ZNF516: variants seen among roughly 807,000 people sequenced by gnomAD.
The protein encoded by ZNF516 is zinc finger protein 516.
In ZNF516, 19 loss-of-function variants were observed where a neutral mutation model predicts 79.7. The observed-to-expected ratio is 0.24, with a 90% CI of 0.17 to 0.35. The LOEUF is 0.35. ZNF516 is among the 10% of genes least tolerant of loss of function. ZNF516 has a pLI of 1.00. For missense variants in ZNF516, 1,678 were observed against 1,679.5 expected, an observed-to-expected ratio of 1.00 and a Z score of 0.02; for synonymous variants, 877 against 739.5, an observed-to-expected ratio of 1.19 and a Z score of -3.02.
In ZNF516 at chr18:76,442,538, C is replaced by G. The variant is rs1162396784; in HGVS notation, c.517G>C (p.Ala173Pro). The G allele has an allele frequency of 6.3e-7, 1 of 1,599,746 alleles. No individual in the cohort carries two copies. The highest frequency in any genetic ancestry group is 2.2e-5 in the East Asian group (1 of 44,868). The change falls in exon 3 of 7, where the codon GCG becomes CCG. Residue 173 changes from alanine to proline, a missense_variant. Ala to Pro is a conservative substitution (Grantham distance 27). Around this residue, in one of 5 missense-constraint regions of ZNF516, gnomAD observed 279 missense variants for 254.1 expected, o/e 1.10. Coordinates refer to ENST00000443185, the MANE Select transcript of ZNF516 (RefSeq NM_014643.4). The part of the protein sequence containing the change: ...SACAPGEAKA[A>P]VQCSFCKSQF... ...CTCTTGCAGAAGGAGCACTGGACCG[C>G]TGCCTTGGCCTCCCCCGGGGCGCAT...
At chr18:76,466,137 A>T (rs1913449183) in intron 1 of ZNF516, among the ~76,000 whole-genome samples, 1 of 152,198 alleles carries the variant, frequency 6.6e-6, no homozygotes, top group South Asian at 2.1e-4. Context: ...ACTGGAAACC[A>T]TCACGTTCCC....
At chr18:76,382,981 A>G (rs1395451450) in intron 3 of ZNF516, among the ~76,000 whole-genome samples, 2 of 143,296 alleles carry the variant, frequency 1.4e-5, no homozygotes, top group African/African-American at 2.6e-5. Context: ...GGCTGCAGTG[A>G]GCCGAGATGG....
intron 1 of ZNF516, among the ~76,000 whole-genome samples, chr18:76,473,903 TGG>T (rs556393743): frequency 3.7e-5 from 2 of 54,170 alleles, no homozygotes; most frequent in African/African-American, 1.8e-4. Flanking sequence ...TGTTTTTGTG[TGG>T]GGGGGGGGGG....
At chr18:76,478,335 C>T (rs1027992674) in intron 1 of ZNF516, among the ~76,000 whole-genome samples, 2 of 152,160 alleles carry the variant, frequency 1.3e-5, no homozygotes, top group Non-Finnish European at 2.9e-5. Flanking sequence ...GGGGTTTTCA[C>T]TCCAGGTATT....
At chr18:76,415,593 G>A (rs993215122) in intron 3 of ZNF516, among the ~76,000 whole-genome samples, 3 of 152,276 alleles carry the variant, frequency 2.0e-5, no homozygotes, top group African/African-American at 4.8e-5. Flanking sequence ...GAAGTGCAAC[G>A]GCTGCAGTGG....
Position 76,459,509 on chromosome 18 carries a change from C to T in ZNF516, c.-158+3519G>A, listed in dbSNP as rs1274028165. 1.3e-5 allele frequency among the ~76,000 whole-genome samples: 2 copies of T among 152,228 alleles called. No homozygotes were observed. Among genetic ancestry groups the T allele is most frequent in the Admixed American group, 1.3e-4 (2 of 15,290 alleles). On this transcript the variant is annotated intron_variant, in intron 2 of 6. Coordinates refer to ENST00000443185, the MANE Select transcript of ZNF516 (RefSeq NM_014643.4). This position sits in a 1 kb window ranked among gnomAD's most constrained non-coding sequence, Gnocchi z 5.0. ...AGGATTTGTGCCATTCAGGACGTGG[C>T]GGCCGTGTGCACCCCATCGGGCACC...
intron 4 of ZNF516, among the ~76,000 whole-genome samples, chr18:76,376,299 C>T (rs1312545190): frequency 2.0e-5 from 3 of 152,086 alleles, no homozygotes; most frequent in Admixed American, 1.3e-4. Context: ...ACTCTATACC[C>T]GGGAAGCCAG....
chr18:76,485,931 T>TAATAATAATAATAATAAA (rs1386897054), intron 1 of ZNF516, among the ~76,000 whole-genome samples: 3 of 149,588 alleles, frequency 2.0e-5, no homozygotes, highest in Non-Finnish European at 4.5e-5. Flanking sequence ...ATAATAATAA[T>TAATAATAATAATAATAAA]AAACATACTT....
chr18:76,439,756 T>C (rs145201374), intron 3 of ZNF516, among the ~76,000 whole-genome samples: 1 of 150,664 alleles, frequency 6.6e-6, no homozygotes, highest in African/African-American at 2.4e-5. Context: ...CTCTTAAAAG[T>C]GAAAAGAAAA....
rs183317366 is a variant in ZNF516 at position 76,378,461 on chromosome 18, T to C, written c.3259+394A>G. 1.5e-3 allele frequency among the ~76,000 whole-genome samples: 234 copies of C among 152,360 alleles called. 1 individual carries two copies. The highest frequency in any genetic ancestry group is 3.1e-4 in the Non-Finnish European group (21 of 68,024). Reference sequence around the variant, plus strand: ...TCTTGTCTTTTGAGAGACAGGACAATGAACATCTACGGATTCTGTTTAAAA... The same window carrying C: ...TCTTGTCTTTTGAGAGACAGGACAACGAACATCTACGGATTCTGTTTAAAA... On this transcript the variant is annotated intron_variant, in intron 4 of 6. Coordinates refer to ENST00000443185, the MANE Select transcript of ZNF516 (RefSeq NM_014643.4).
At position 76,380,143 on chromosome 18, in the gene ZNF516, GCTA is replaced by G. The variant is rs1418291136; in HGVS notation, c.1968_1970del (p.Ser657del). 7.4e-6 allele frequency: 12 copies of G among 1,613,758 alleles called. No homozygotes were observed. Among genetic ancestry groups the G allele is most frequent in the Non-Finnish European group, 9.3e-6 (11 of 1,179,890 alleles). ...GCTCTTGCCTTCTAGAAGTCTCTCT[GCTA>G]CTGTTTTCAAGTATGGACACAGAAG... On this transcript the variant is annotated inframe_deletion, in exon 4 of 7. Coordinates refer to ENST00000443185, the MANE Select transcript of ZNF516 (RefSeq NM_014643.4).
chr18:76,448,985 G>C (rs1339285520), intron 2 of ZNF516, among the ~76,000 whole-genome samples: 1 of 152,156 alleles, frequency 6.6e-6, no homozygotes, highest in Non-Finnish European at 1.5e-5. Flanking sequence ...AACCACACTG[G>C]TGTGGCTTGA....
rs2094865880 is a variant in ZNF516 at position 76,441,387 on chromosome 18, G to A, written c.1668C>T (p.Cys556=). The A allele has an allele frequency of 3.1e-6, 5 of 1,609,852 alleles. No homozygotes were observed. In the South Asian group the frequency reaches 3.3e-5, roughly 11 times the overall value. The change falls in exon 3 of 7, where the codon TGC becomes TGT. Residue 556 remains cysteine (C), a synonymous_variant. Transcript: ENST00000443185. ...SDGDRAARAR[C]GSLSEGDSAS... ...CCGAGTCACCCTCACTGAGTGATCC[G>A]CAGCGGGCCCGCGCCGCCCTGTCCC...
In ZNF516 at chr18:76,438,690, A is replaced by G. The variant is rs11150954; in HGVS notation, c.1810+2555T>C. The stretch of plus-strand genomic sequence containing the variant: ...CTGACGAAACATGTTCCATAAAAAA[A>G]AAGGAGAGGAGTTTCTTTCACTTAA... On this transcript the variant is annotated intron_variant, in intron 3 of 6. Coordinates refer to ENST00000443185, the MANE Select transcript of ZNF516 (RefSeq NM_014643.4). 8.3e-3 allele frequency among the ~76,000 whole-genome samples: 1,257 copies of G among 152,358 alleles called. 5 individuals are homozygous for G. Among genetic ancestry groups the G allele is most frequent in the Non-Finnish European group, 0.012 (827 of 68,034 alleles).
At chr18:76,413,252 G>A (rs1192885005) in intron 3 of ZNF516, among the ~76,000 whole-genome samples, 1 of 152,088 alleles carries the variant, frequency 6.6e-6, no homozygotes, top group African/African-American at 2.4e-5. Context: ...AAAATGTAGT[G>A]GAAGAACTTT....
chr18:76,450,141 G>C lies in ZNF516; in HGVS notation c.-157-6930C>G, dbSNP rs537634968. 1.0e-4 allele frequency among the ~76,000 whole-genome samples: 13 copies of C among 127,238 alleles called. No homozygotes were observed. The South Asian group carries it at 3.6e-3, about 35-fold the overall frequency. 83.5% of individuals were successfully genotyped at this position (127,238 alleles called of 152,430 possible). A position where few individuals can be genotyped will look rare whatever the true frequency, so the allele number is the denominator to read the frequency against. On this transcript the variant is annotated intron_variant, in intron 2 of 6. Transcript: ENST00000443185. ...TACCAAAGAGAAAGAGAGAGACGGA[G>C]AGAAGGCAAATGTACCAGAATGTTA...
chr18:76,468,714 C>T (rs535833715), intron 1 of ZNF516, among the ~76,000 whole-genome samples: 1 of 152,260 alleles, frequency 6.6e-6, no homozygotes, highest in South Asian at 2.1e-4. Flanking sequence ...GCCAACGCGC[C>T]CGGCCGTGTT....
intron 3 of ZNF516, among the ~76,000 whole-genome samples, chr18:76,385,448 T>C (rs904551267): frequency 6.6e-6 from 1 of 152,224 alleles, no homozygotes; most frequent in Non-Finnish European, 1.5e-5. Flanking sequence ...TTACTCCCCT[T>C]TCACTTAAAA....
At chr18:76,473,539 C>T (rs1313364509) in intron 1 of ZNF516, among the ~76,000 whole-genome samples, 3 of 152,044 alleles carry the variant, frequency 2.0e-5, no homozygotes, top group Non-Finnish European at 2.9e-5. Context: ...CGGTGGCTCA[C>T]GCCTGTAATC....
Sources: allele counts gnomAD v4.1 joint callset (sites outside exome capture counted in the v4.1 genomes callset), GRCh38; gene constraint gnomAD v4.1.1; regional missense constraint gnomAD v4.1.1; non-coding constraint Gnocchi (gnomAD v3.1); transcripts MANE v1.5; gene names NCBI Gene and HGNC (gene_info 2026-07-23, HGNC 2026-07-21).